Variants in ZNF469 observed in about 807,000 individuals in gnomAD.
ZNF469 encodes the protein zinc finger protein 469.
Under a neutral mutation model 1.0 loss-of-function variants are expected in ZNF469, and 1 was observed. That is an observed-to-expected ratio of 1.00 (90% CI 0.35 to 4.73). The LOEUF (loss-of-function observed/expected upper bound fraction) is 4.73, where lower values mean the gene tolerates loss of function less well. Among genes scored for constraint, ZNF469 ranks in the 30% most tolerant of loss-of-function variants. The pLI, the probability that ZNF469 is intolerant of heterozygous loss-of-function variation, is 0.16. For missense variants in ZNF469, 6,100 were observed against 5,356.3 expected (o/e 1.14, Z -4.33); for synonymous variants, 2,703 against 2,363.4 (o/e 1.14, Z -4.17).
At chr16:88,298,352 G>T in the ZNF469 span, among the ~76,000 whole-genome samples, 1 of 152,174 alleles carries the variant, frequency 6.6e-6, no homozygotes, top group South Asian at 2.1e-4. Flanking sequence ...GTGCACAAGG[G>T]AGTCTCCGGG....
chr16:88,267,981 T>G, the ZNF469 span, among the ~76,000 whole-genome samples: 1 of 151,858 alleles, frequency 6.6e-6, no homozygotes, highest in East Asian at 1.9e-4. Flanking sequence ...TTTCTCCACA[T>G]TCTTACCGGC....
At chr16:88,337,930 G>T in the ZNF469 span, among the ~76,000 whole-genome samples, 1 of 152,298 alleles carries the variant, frequency 6.6e-6, no homozygotes, top group African/African-American at 2.4e-5. Context: ...CTCCTGCTTT[G>T]TGACCTGCCT....
At chr16:88,402,075 GAT>G (rs1904897399) in intron 1 of ZNF469, among the ~76,000 whole-genome samples, 1 of 143,248 alleles carries the variant, frequency 7.0e-6, no homozygotes, top group African/African-American at 2.9e-5. Flanking sequence ...TGGATGGATA[GAT>G]GGTAGATGGA....
chr16:88,227,260 C>T, the ZNF469 span, among the ~76,000 whole-genome samples: 5 of 152,196 alleles, frequency 3.3e-5, no homozygotes, highest in Admixed American at 6.5e-5. Flanking sequence ...CCCACTGTCT[C>T]CCCAGGGCCG....
chr16:88,190,383 C>A, the ZNF469 span, among the ~76,000 whole-genome samples: 2 of 152,256 alleles, frequency 1.3e-5, no homozygotes, highest in African/African-American at 4.8e-5. Context: ...CACCATGCAC[C>A]CGGCACCACA....
intron 1 of ZNF469, among the ~76,000 whole-genome samples, chr16:88,411,468 GGGTGC>G (rs1175076734): frequency 7.0e-4 from 3 of 4,268 alleles, no homozygotes; most frequent in African/African-American, 9.9e-4. Flanking sequence ...GAGTGGGCAG[GGGTGC>G]AAGCAGGCAG....
the ZNF469 span, among the ~76,000 whole-genome samples, chr16:88,277,651 A>G: frequency 7.6e-6 from 1 of 130,864 alleles, no homozygotes; most frequent in Non-Finnish European, 1.7e-5. Flanking sequence ...GTGCTGTGCC[A>G]CGCTGACACT....
chr16:88,208,145 A>C, the ZNF469 span, among the ~76,000 whole-genome samples: 1 of 151,756 alleles, frequency 6.6e-6, no homozygotes, highest in Non-Finnish European at 1.5e-5. Context: ...TGCCATCATC[A>C]TGTGTTTGAT....
the ZNF469 span, among the ~76,000 whole-genome samples, chr16:88,240,433 G>A: frequency 6.6e-6 from 1 of 152,352 alleles, no homozygotes; most frequent in Middle Eastern, 3.4e-3. Context: ...CCAGGGCTGC[G>A]TGGGGAGGCT....
the ZNF469 span, among the ~76,000 whole-genome samples, chr16:88,241,023 G>A: frequency 1.3e-5 from 2 of 152,150 alleles, no homozygotes; most frequent in African/African-American, 4.8e-5. This position sits in a 1 kb window ranked among gnomAD's most constrained non-coding sequence, Gnocchi z 4.8. Context: ...GACGCTGCCT[G>A]GCAGGGCTCT....
the ZNF469 span, among the ~76,000 whole-genome samples, chr16:88,117,693 G>A: frequency 4.6e-5 from 7 of 152,184 alleles, no homozygotes; most frequent in Admixed American, 1.3e-4. Flanking sequence ...TTCGGGGACC[G>A]TGGAAGAGGG....
chr16:88,366,153 CATCATCACCATCATCACCACG>C, the ZNF469 span, among the ~76,000 whole-genome samples: 1 of 139,280 alleles, frequency 7.2e-6, no homozygotes, highest in African/African-American at 2.7e-5. Context: ...TCATCACCAT[CATCATCACCATCATCACCACG>C]ATCATCATCA....
chr16:88,258,983 C>T, the ZNF469 span, among the ~76,000 whole-genome samples: 11 of 152,342 alleles, frequency 7.2e-5, no homozygotes, highest in East Asian at 1.3e-3. Context: ...ACACGTGCCT[C>T]ACCAAAACTC....
At chr16:88,214,892 AT>A in the ZNF469 span, among the ~76,000 whole-genome samples, 103 of 151,448 alleles carry the variant, frequency 6.8e-4, no homozygotes, top group Admixed American at 2.8e-3. Context: ...TTTTCTCTTG[AT>A]TTTTTTTTGA....
the ZNF469 span, among the ~76,000 whole-genome samples, chr16:88,161,414 G>A: frequency 6.6e-6 from 1 of 152,202 alleles, no homozygotes; most frequent in South Asian, 2.1e-4. Context: ...CAACACAGTA[G>A]AAGCGGATGT....
At chr16:88,221,746 G>A in the ZNF469 span, among the ~76,000 whole-genome samples, 4 of 152,170 alleles carry the variant, frequency 2.6e-5, no homozygotes, top group Non-Finnish European at 4.4e-5. Flanking sequence ...CTAAGGCATC[G>A]GCAGGGCTGA....
the ZNF469 span, among the ~76,000 whole-genome samples, chr16:88,301,886 G>T: frequency 6.6e-6 from 1 of 152,210 alleles, no homozygotes; most frequent in African/African-American, 2.4e-5. Flanking sequence ...AACTATCAGG[G>T]TGACAGTCCT....
At chr16:88,156,083 A>C in the ZNF469 span, among the ~76,000 whole-genome samples, 1 of 152,154 alleles carries the variant, frequency 6.6e-6, no homozygotes, top group South Asian at 2.1e-4. Context: ...TTGCCCATAT[A>C]TTAATCAGGT....
chr16:88,178,237 C>T, the ZNF469 span: 3 of 151,776 alleles, frequency 2.0e-5, no homozygotes, highest in East Asian at 1.9e-4. Flanking sequence ...AGGAGGAGAT[C>T]CTGCAAACAG....
Sources: gnomAD v4.1 joint callset for allele counts (sites outside exome capture counted in the v4.1 genomes callset) on GRCh38, gnomAD v4.1.1 for gene constraint, Gnocchi (gnomAD v3.1) non-coding constraint, MANE v1.5 for transcripts, NCBI Gene and HGNC (gene_info 2026-07-23, HGNC 2026-07-21) for gene names.